COLEC10: variants seen among roughly 807,000 people sequenced by gnomAD.
COLEC10 encodes the protein collectin-10.
In COLEC10, 22 loss-of-function variants were observed where a neutral mutation model predicts 28.4. The ratio of observed to expected loss-of-function variants is 0.78; its 90% CI spans 0.55 to 1.11. The LOEUF (loss-of-function observed/expected upper bound fraction) is 1.11, where lower values mean the gene tolerates loss of function less well. Among genes scored for constraint, COLEC10 ranks in the 50% least tolerant of loss-of-function variants. COLEC10 has a pLI of 0.00. For synonymous variants in COLEC10, 125 were observed against 116.1 expected, an observed-to-expected ratio of 1.08 and a Z score of -0.49; for missense variants, 361 against 344.1, an observed-to-expected ratio of 1.05 and a Z score of -0.39.
intron 2 of COLEC10, among the ~76,000 whole-genome samples, chr8:119,050,761 C>T (rs989758999): frequency 6.6e-6 from 1 of 152,168 alleles, no homozygotes; most frequent in Non-Finnish European, 1.5e-5. Context: ...GTCAGTGATT[C>T]TGTCCTAAAA....
At chr8:119,035,245 T>C (rs922984277) in intron 2 of COLEC10, among the ~76,000 whole-genome samples, 2 of 152,248 alleles carry the variant, frequency 1.3e-5, no homozygotes, top group Non-Finnish European at 2.9e-5. Flanking sequence ...CAAGATGGCT[T>C]TATACGTGCA....
At chr8:119,090,545 T>C (rs1484950116) in intron 2 of COLEC10, among the ~76,000 whole-genome samples, 1 of 152,218 alleles carries the variant, frequency 6.6e-6, no homozygotes, top group Non-Finnish European at 1.5e-5. Flanking sequence ...GCATGTCGAT[T>C]ACAAGATTAT....
chr8:119,097,568 A>G (rs1815745625), intron 3 of COLEC10, among the ~76,000 whole-genome samples: 2 of 152,108 alleles, frequency 1.3e-5, no homozygotes, highest in African/African-American at 4.8e-5. Context: ...ATTCATTTTT[A>G]CAACCACTTT....
the COLEC10 span, among the ~76,000 whole-genome samples, chr8:118,963,974 A>G: frequency 6.6e-6 from 1 of 152,214 alleles, no homozygotes; most frequent in African/African-American, 2.4e-5. Flanking sequence ...AGACAAATGA[A>G]TGCATACACC....
chr8:118,978,770 C>A, the COLEC10 span, among the ~76,000 whole-genome samples: 1 of 151,908 alleles, frequency 6.6e-6, no homozygotes, highest in Non-Finnish European at 1.5e-5. Flanking sequence ...AATAGGTATA[C>A]CAATTTACCC....
chr8:118,997,517 G>A (rs1295192844), intron 1 of COLEC10, among the ~76,000 whole-genome samples: 1 of 152,072 alleles, frequency 6.6e-6, no homozygotes, highest in African/African-American at 2.4e-5. Flanking sequence ...TAATCCTCAT[G>A]CTGACCCTTG....
chr8:119,056,027 A>T (rs1203457005), intron 2 of COLEC10, among the ~76,000 whole-genome samples: 1 of 152,008 alleles, frequency 6.6e-6, no homozygotes, highest in African/African-American at 2.4e-5. Flanking sequence ...CACAATTTGC[A>T]TTCTTTGTTT....
chr8:119,038,164 A>C (rs1324247219), intron 2 of COLEC10, among the ~76,000 whole-genome samples: 1 of 152,204 alleles, frequency 6.6e-6, no homozygotes, highest in Non-Finnish European at 1.5e-5. Flanking sequence ...AGATAGAATA[A>C]ACTTGGGCTT....
chr8:119,018,890 G>T (rs1430788576), intron 2 of COLEC10, among the ~76,000 whole-genome samples: 1 of 152,106 alleles, frequency 6.6e-6, no homozygotes, highest in African/African-American at 2.4e-5. Context: ...AGTACCCAGG[G>T]AAATCTTCCA....
chr8:119,058,962 CTA>C (rs907215590), intron 2 of COLEC10, among the ~76,000 whole-genome samples: 5 of 151,956 alleles, frequency 3.3e-5, no homozygotes, highest in Non-Finnish European at 7.4e-5. Flanking sequence ...CCAGTCTTAC[CTA>C]TATATAGTGA....
At chr8:118,999,926 G>C (rs1201605875) in intron 1 of COLEC10, among the ~76,000 whole-genome samples, 1 of 152,102 alleles carries the variant, frequency 6.6e-6, no homozygotes, top group Non-Finnish European at 1.5e-5. Context: ...TGTAAAGAGA[G>C]CAGATATTGA....
chr8:119,107,235 T>C lies in COLEC10; in HGVS notation c.*1044T>C, dbSNP rs970951489. Among the ~76,000 whole-genome samples the C allele has an allele frequency of 1.3e-5, 2 of 152,152 alleles. No homozygotes were observed. Among genetic ancestry groups the C allele is most frequent in the Admixed American group, 1.3e-4 (2 of 15,274 alleles). ...TTCATGGGAGGCCTTTTACTCTTCA[T>C]AAATATATGTCATAGAAATCCTACT... is the stretch of plus-strand genomic sequence containing the variant. On this transcript the variant is annotated 3_prime_UTR_variant, in exon 6 of 6. Coordinates refer to ENST00000332843, the MANE Select transcript of COLEC10 (RefSeq NM_006438.5).
At chr8:119,098,677 A>T (rs1815766197) in intron 3 of COLEC10, among the ~76,000 whole-genome samples, 1 of 152,090 alleles carries the variant, frequency 6.6e-6, no homozygotes, top group African/African-American at 2.4e-5. Flanking sequence ...ATAATAAAAC[A>T]TATTATTTCT....
At chr8:119,012,011 TAGTG>T (rs1813907467) in intron 2 of COLEC10, among the ~76,000 whole-genome samples, 1 of 150,684 alleles carries the variant, frequency 6.6e-6, no homozygotes, top group Non-Finnish European at 1.5e-5. Flanking sequence ...TGAAAAGAGG[TAGTG>T]AGAGAGGATA....
At chr8:119,099,423 A>G (rs1197584972) in intron 3 of COLEC10, among the ~76,000 whole-genome samples, 1 of 152,060 alleles carries the variant, frequency 6.6e-6, no homozygotes, top group Non-Finnish European at 1.5e-5. Flanking sequence ...TACCTAATTT[A>G]TTCTCCTTAA....
intron 2 of COLEC10, among the ~76,000 whole-genome samples, chr8:119,048,981 G>T (rs892539671): frequency 1.3e-5 from 2 of 152,058 alleles, no homozygotes; most frequent in African/African-American, 4.8e-5. Context: ...CAGTTCCTTT[G>T]GTTCCATGTT....
chr8:119,106,022 T>G lies in COLEC10; in HGVS notation c.665T>G (p.Phe222Cys), dbSNP rs1034134375. ...CTTGAAAGGGAGGGACAGTACATGT[T>G]CACAGACAACACTCCACTGCAGAAC... The part of the protein sequence containing the change: ...NDLEREGQYM[F>C]TDNTPLQNYS... The change falls in exon 6 of 6, where the codon TTC (phenylalanine) becomes TGC (cysteine). Residue 222 changes from phenylalanine to cysteine, a missense_variant. By Grantham distance (205) the Phe-to-Cys change is radical. Around this residue, in one of 3 missense-constraint regions of COLEC10, gnomAD observed 335 missense variants for 308.5 expected, o/e 1.09. Transcript: ENST00000332843. 26 of 1,613,768 alleles carry G rather than the reference T, an allele frequency of 1.6e-5. No homozygotes were observed. Among genetic ancestry groups the G allele is most frequent in the Admixed American group, 6.7e-5 (4 of 59,930 alleles).
In COLEC10 at chr8:119,014,100, T is replaced by C. The variant is rs1202627219; in HGVS notation, n.235+4547T>C. Among the ~76,000 whole-genome samples the C allele has an allele frequency of 1.3e-5, 2 of 150,802 alleles. 1 individual carries two copies. The highest frequency in any genetic ancestry group is 5.0e-5 in the African/African-American group (2 of 40,320). ...TTATATTCTGCATGACTGTTATCCA[T>C]AAGATCAATTAAGAATAAGAAAAAT... On this transcript the variant is annotated intron_variant and non_coding_transcript_variant, in intron 2 of 6. Transcript: ENST00000521788.
chr8:118,984,540 G>T, the COLEC10 span, among the ~76,000 whole-genome samples: 1 of 152,060 alleles, frequency 6.6e-6, no homozygotes, highest in Non-Finnish European at 1.5e-5. Context: ...TTCTGGATTA[G>T]GGTCATACTG....
Sources: gnomAD v4.1 joint callset for allele counts (sites outside exome capture counted in the v4.1 genomes callset) on GRCh38, gnomAD v4.1.1 for gene constraint, gnomAD v4.1.1 regional missense constraint, MANE v1.5 for transcripts, NCBI Gene and HGNC (gene_info 2026-07-23, HGNC 2026-07-21) for gene names.